MBD5: variants seen among roughly 807,000 people sequenced by gnomAD.
MBD5 encodes methyl-CpG binding domain protein 5.
Under a neutral mutation model 117.3 loss-of-function variants are expected in MBD5, and 13 were observed. The ratio of observed to expected loss-of-function variants is 0.11; its 90% confidence interval spans 0.07 to 0.18. The LOEUF (loss-of-function observed/expected upper bound fraction) is 0.18, where lower values mean the gene tolerates loss of function less well. MBD5 is among the 10% of genes least tolerant of loss of function. MBD5 has a pLI of 1.00. For missense variants in MBD5, 1,879 were observed against 2,093.8 expected (o/e 0.90, Z 2.00); for synonymous variants, 727 against 766.4 (o/e 0.95, Z 0.85).
chr2:148,357,830 C>T (rs1390426330), intron 4 of MBD5, among the ~76,000 whole-genome samples: 1 of 151,884 alleles, frequency 6.6e-6, no homozygotes, highest in Non-Finnish European at 1.5e-5. Context: ...AAAAGTCTTT[C>T]GTATTCTCTG....
Position 148,483,454 on chromosome 2 carries a change from C to T in MBD5, c.2863C>T (p.Leu955Phe), listed in dbSNP as rs749453075. 6.2e-7 allele frequency: 1 copy of T among 1,614,088 alleles called. No individual in the cohort carries two copies. Among genetic ancestry groups the T allele is most frequent in the Non-Finnish European group, 8.5e-7 (1 of 1,179,996 alleles). The change falls in exon 9 of 14, where the codon CTC (leucine) becomes TTC (phenylalanine). Residue 955 changes from leucine (L) to phenylalanine (F), a missense_variant. Leu to Phe is a conservative substitution (Grantham distance 22, BLOSUM62 0). Transcript: ENST00000642680. The stretch of plus-strand genomic sequence containing the variant: ...AGGAGAAGGCAAGTCTGAGATCAAC[C>T]TCCACCCTTTAGGTTTTCTCAACCC... ...SAGEGKSEINLHPLGFLNPNV... is the reference protein window; with the variant it reads ...SAGEGKSEINFHPLGFLNPNV...
intron 1 of MBD5, among the ~76,000 whole-genome samples, chr2:148,108,826 C>A (rs1696438032): frequency 6.6e-6 from 1 of 152,120 alleles, no homozygotes; most frequent in South Asian, 2.1e-4. Context: ...AAAATCCCAA[C>A]CGATTATGAA....
rs1376793161 is a variant in MBD5, at chr2:148,515,726, T to G, written c.*2785T>G. 1 of 152,168 alleles carries G rather than the reference T, an allele frequency of 6.6e-6. No individual in the cohort carries two copies. Among genetic ancestry groups the G allele is most frequent in the African/African-American group, 2.4e-5 (1 of 41,448 alleles). 9.4% of individuals were successfully genotyped at this position (152,168 alleles called of 1,614,324 possible). A position where few individuals can be genotyped will look rare whatever the true frequency, so the allele number is the denominator to read the frequency against. On this transcript the variant is annotated 3_prime_UTR_variant, in exon 14 of 14. Coordinates refer to ENST00000642680, the MANE Select transcript of MBD5 (RefSeq NM_001378120.1). The stretch of plus-strand genomic sequence containing the variant: ...AAAATTTTTTCTTCTTTAAAGAACA[T>G]AATAGTTCCTGCTGGAAAAGGAAAT...
chr2:148,375,053 C>G (rs548648597), intron 4 of MBD5, among the ~76,000 whole-genome samples: 1 of 152,242 alleles, frequency 6.6e-6, no homozygotes, highest in South Asian at 2.1e-4. Context: ...ATGCTACAGT[C>G]TCAGACTTCT....
At chr2:148,158,194 G>A (rs1487108865) in intron 1 of MBD5, among the ~76,000 whole-genome samples, 1 of 152,114 alleles carries the variant, frequency 6.6e-6, no homozygotes, top group Non-Finnish European at 1.5e-5. Context: ...CTAGAATACT[G>A]TGCAACCATT....
intron 5 of MBD5, among the ~76,000 whole-genome samples, chr2:148,460,973 G>A (rs1431653449): frequency 8.6e-5 from 13 of 152,022 alleles, no homozygotes; most frequent in African/African-American, 2.7e-4. Flanking sequence ...TCACTCCGTC[G>A]CCCAGGCTGG....
At chr2:148,484,262 A>G (rs930620904) in intron 9 of MBD5, 127 bp downstream of exon 9, 10 of 809,498 alleles carry the variant, frequency 1.2e-5, no homozygotes, top group African/African-American at 1.7e-5. Flanking sequence ...CAGCTTGCTT[A>G]AGGAACTAAA....
chr2:148,293,628 T>C (rs1213014584), intron 3 of MBD5, among the ~76,000 whole-genome samples: 1 of 152,210 alleles, frequency 6.6e-6, no homozygotes, highest in Non-Finnish European at 1.5e-5. Flanking sequence ...CATTTTCTTG[T>C]CTAGTTTCCT....
chr2:148,369,881 C>T (rs1300149856), intron 4 of MBD5, among the ~76,000 whole-genome samples: 1 of 152,052 alleles, frequency 6.6e-6, no homozygotes, highest in African/African-American at 2.4e-5. Flanking sequence ...AGTGAATGCA[C>T]TTAGGGGATG....
intron 3 of MBD5, among the ~76,000 whole-genome samples, chr2:148,308,458 A>C (rs1185975547): frequency 1.3e-4 from 16 of 125,268 alleles, no homozygotes; most frequent in Non-Finnish European, 2.7e-4. Context: ...GTGTCTGTTC[A>C]TATACTTCTC....
At chr2:148,370,158 G>A (rs1033407890) in intron 4 of MBD5, among the ~76,000 whole-genome samples, 3 of 152,064 alleles carry the variant, frequency 2.0e-5, no homozygotes, top group East Asian at 3.9e-4. Flanking sequence ...TTGTCTAGTT[G>A]TTGATACTTG....
chr2:148,426,508 A>G (rs1705792449), intron 4 of MBD5, among the ~76,000 whole-genome samples: 1 of 152,120 alleles, frequency 6.6e-6, no homozygotes, highest in Non-Finnish European at 1.5e-5. Context: ...CATATCTACA[A>G]CTATCTGATC....
In MBD5 at chr2:148,178,717, C is replaced by G. The variant is rs1429174427; in HGVS notation, c.-907C>G. On this transcript the variant is annotated 5_prime_UTR_variant, in exon 2 of 14. It introduces an in-frame stop codon into an upstream open reading frame of the 5' UTR. Transcript: ENST00000642680. Reference sequence around the variant, plus strand: ...TCTTTTAGATGTACATTGAAGATGTCAGTTTCTACATGTGGGAAGTAGACA... The same window carrying G: ...TCTTTTAGATGTACATTGAAGATGTGAGTTTCTACATGTGGGAAGTAGACA... 3 of 398,310 alleles carry G rather than the reference C, an allele frequency of 7.5e-6. No homozygotes were observed. In the South Asian group the frequency reaches 3.8e-4, roughly 51 times the overall value. The allele number at this position is 398,310 out of a possible 1,614,324, so 24.7% of individuals were successfully genotyped here. A position where few individuals can be genotyped will look rare whatever the true frequency, so the allele number is the denominator to read the frequency against.
At chr2:148,413,469 G>T (rs1248563479) in intron 4 of MBD5, among the ~76,000 whole-genome samples, 1 of 149,648 alleles carries the variant, frequency 6.7e-6, no homozygotes, top group African/African-American at 2.5e-5. Context: ...GATAATGCCG[G>T]CTTCATAGAG....
At chr2:148,295,625 A>G (rs1256795939) in intron 3 of MBD5, 2 of 152,848 alleles carry the variant, frequency 1.3e-5, no homozygotes, top group African/African-American at 4.8e-5. Flanking sequence ...AGGTCAATAC[A>G]TAGAATTCTT....
chr2:148,476,209 T>A (rs1680959222), intron 8 of MBD5, among the ~76,000 whole-genome samples: 1 of 42,186 alleles, frequency 2.4e-5, no homozygotes, highest in Non-Finnish European at 1.0e-4. Flanking sequence ...TGTAGCCTGA[T>A]AAATATGCTC....
chr2:148,275,582 A>T (rs1010346960), intron 3 of MBD5, among the ~76,000 whole-genome samples: 1 of 152,160 alleles, frequency 6.6e-6, no homozygotes, highest in African/African-American at 2.4e-5. Flanking sequence ...ATACCTTCAA[A>T]TGATTGGATG....
chr2:148,196,049 G>C (rs1698978275), intron 2 of MBD5, among the ~76,000 whole-genome samples: 1 of 152,176 alleles, frequency 6.6e-6, no homozygotes, highest in African/African-American at 2.4e-5. Context: ...GTAACAACTT[G>C]TTGCAGTCTG....
At chr2:148,427,968 C>A (rs888792264) in intron 4 of MBD5, among the ~76,000 whole-genome samples, 3 of 151,980 alleles carry the variant, frequency 2.0e-5, no homozygotes, top group East Asian at 3.9e-4. Context: ...CATTCCTATT[C>A]AACATAGTAT....
Sources: allele counts gnomAD v4.1 joint callset (sites outside exome capture counted in the v4.1 genomes callset), GRCh38; gene constraint gnomAD v4.1.1; transcripts MANE v1.5; gene names NCBI Gene and HGNC (gene_info 2026-07-23, HGNC 2026-07-21).